The following MCTP1 variants were observed in gnomAD, a reference collection of about 807,000 sequenced individuals.
MCTP1 encodes the protein multiple C2 and transmembrane domain-containing protein 1.
A neutral mutation model predicts 120.6 loss-of-function variants in MCTP1; 69 were observed. The ratio of observed to expected loss-of-function variants is 0.57; its 90% CI spans 0.47 to 0.70. The LOEUF (loss-of-function observed/expected upper bound fraction) is 0.70. Among genes scored for constraint, MCTP1 ranks in the 30% least tolerant of loss-of-function variants. MCTP1 has a pLI of 0.00. For missense variants in MCTP1, 1,203 were observed against 1,248.8 expected, an observed-to-expected ratio of 0.96 and a Z score of 0.55; for synonymous variants, 529 against 493.1, an observed-to-expected ratio of 1.07 and a Z score of -0.96.
At chr5:94,790,993 CCAGGCGCGGTGCCTCGCG>C (rs1778771959) in intron 18 of MCTP1, among the ~76,000 whole-genome samples, 1 of 151,700 alleles carries the variant, frequency 6.6e-6, no homozygotes, top group Non-Finnish European at 1.5e-5. Flanking sequence ...TTCAAGCGGG[CCAGGCGCGGTGCCTCGCG>C]CCTGTAATCC....
At chr5:95,224,251 T>C (rs1042173740) in intron 1 of MCTP1, among the ~76,000 whole-genome samples, 1 of 152,212 alleles carries the variant, frequency 6.6e-6, no homozygotes, top group Admixed American at 6.5e-5. Flanking sequence ...AGCAGCTTCT[T>C]ATATACCCAC....
In MCTP1 at chr5:95,284,259, G is replaced by T; in HGVS notation, c.317C>A (p.Pro106His). Residue 106 changes from proline (P) to histidine (H), a missense_variant, in exon 1 of 23, where the codon CCC (proline) becomes CAC (histidine). Around this residue, in one of 2 missense-constraint regions of MCTP1, gnomAD observed 463 missense variants for 377.8 expected, o/e 1.23. Coordinates refer to ENST00000515393, the MANE Select transcript of MCTP1 (RefSeq NM_024717.7). The surrounding 1 kb of genome is among the most constrained non-coding windows in gnomAD (Gnocchi z 5.2). ...TCTGCCGGCGCCGCCGGGCTCCAGGGGCTCCGGCGACGAGCAGCACAGGTT... is the reference window on the plus strand; with the variant it reads ...TCTGCCGGCGCCGCCGGGCTCCAGGTGCTCCGGCGACGAGCAGCACAGGTT... The part of the protein sequence containing the change: ...QPNLCCSSPE[P>H]LEPGGAGRAE... 6.3e-7 allele frequency: 1 copy of T among 1,591,648 alleles called. No individual in the cohort carries two copies.
intron 1 of MCTP1, among the ~76,000 whole-genome samples, chr5:95,044,863 G>T (rs567375746): frequency 6.6e-6 from 1 of 152,152 alleles, no homozygotes; most frequent in South Asian, 2.1e-4. Context: ...AATCAGGGCA[G>T]CAGACTTCTA....
rs573008739 is a variant in MCTP1 at position 94,716,394 on chromosome 5, A to T, written c.2611-1508T>A. Among the ~76,000 whole-genome samples the T allele has an allele frequency of 2.3e-5, 3 of 131,584 alleles. No homozygotes were observed. The East Asian group carries it at 6.1e-4, about 27-fold the overall frequency. The allele number at this position is 131,584 out of a possible 152,430, so 86.3% of individuals were successfully genotyped here. A position where few individuals can be genotyped will look rare whatever the true frequency, so the allele number is the denominator to read the frequency against. Reference sequence around the variant, plus strand: ...CAATTTATCTTTCACACTCTCCAGTAAAAAAAAAAAAAAAGTTAGTTTCAC... The same window carrying T: ...CAATTTATCTTTCACACTCTCCAGTTAAAAAAAAAAAAAAGTTAGTTTCAC... On this transcript the variant is annotated intron_variant, in intron 19 of 22. Transcript: ENST00000515393.
chr5:94,848,467 A>G (rs1792971178), intron 17 of MCTP1, among the ~76,000 whole-genome samples: 1 of 151,976 alleles, frequency 6.6e-6, no homozygotes, highest in Admixed American at 6.6e-5. Context: ...CTGCAGCTTT[A>G]ATAACTACTG....
At chr5:94,964,813 T>C (rs971701057) in intron 2 of MCTP1, among the ~76,000 whole-genome samples, 7 of 152,208 alleles carry the variant, frequency 4.6e-5, no homozygotes, top group Non-Finnish European at 7.3e-5. Flanking sequence ...TGTCTTTTGA[T>C]TGGATAATTT....
chr5:95,200,241 A>C (rs879854665), intron 1 of MCTP1, among the ~76,000 whole-genome samples: 4 of 152,210 alleles, frequency 2.6e-5, no homozygotes, highest in Admixed American at 2.6e-4. Context: ...CTTGTGCACT[A>C]TTGGCAGGAA....
chr5:94,932,738 T>A (rs1815121564), intron 5 of MCTP1, among the ~76,000 whole-genome samples: 1 of 152,036 alleles, frequency 6.6e-6, no homozygotes, highest in African/African-American at 2.4e-5. Context: ...CCTTCCTGAT[T>A]AACCTCTTTC....
chr5:94,845,842 C>T (rs573028196), intron 17 of MCTP1, among the ~76,000 whole-genome samples: 20 of 152,260 alleles, frequency 1.3e-4, no homozygotes, highest in African/African-American at 4.8e-4. Flanking sequence ...GTGAGCACCA[C>T]ACCCAGCTGC....
In MCTP1 at chr5:95,281,546, A is replaced by T. The variant is rs186023175; in HGVS notation, c.720+2310T>A. On this transcript the variant is annotated intron_variant, in intron 1 of 22. Coordinates refer to ENST00000515393, the MANE Select transcript of MCTP1 (RefSeq NM_024717.7). The stretch of plus-strand genomic sequence containing the variant: ...GCAGACGCTAGGGACCAAAAATGGT[A>T]TCTCTTTCTGGGACTGTGTCTGGCA... Among the ~76,000 whole-genome samples, 226 of 152,334 alleles carry T rather than the reference A, an allele frequency of 1.5e-3. 2 individuals carry two copies. The highest frequency in any genetic ancestry group is 4.8e-3 in the African/African-American group (200 of 41,576).
In MCTP1 at chr5:95,133,696, C is replaced by T. The variant is rs185645047; in HGVS notation, c.721-116212G>A. ...AAATAAAACAATACACTGTAATAAA[C>T]ATTGTATGAATGTAGCCTCTCTTAA... On this transcript the variant is annotated intron_variant, in intron 1 of 22. Transcript: ENST00000515393. Among the ~76,000 whole-genome samples, 125 of 152,312 alleles carry T rather than the reference C, an allele frequency of 8.2e-4. 2 individuals carry two copies. Among genetic ancestry groups the T allele is most frequent in the African/African-American group, 2.9e-3 (122 of 41,560 alleles).
intron 2 of MCTP1, among the ~76,000 whole-genome samples, chr5:94,972,121 A>G (rs1827020828): frequency 6.6e-6 from 1 of 152,060 alleles, no homozygotes; most frequent in Non-Finnish European, 1.5e-5. Context: ...TCTCCATCAT[A>G]TACAAATCAG....
chr5:94,955,598 T>C (rs763975719), intron 2 of MCTP1, among the ~76,000 whole-genome samples: 29 of 152,134 alleles, frequency 1.9e-4, no homozygotes, highest in Non-Finnish European at 3.2e-4. Flanking sequence ...CGTCTGCCAT[T>C]ACTGAGGCTT....
chr5:95,209,912 C>T (rs1175635684), intron 1 of MCTP1, among the ~76,000 whole-genome samples: 2 of 152,112 alleles, frequency 1.3e-5, no homozygotes, highest in Non-Finnish European at 2.9e-5. Context: ...TTTATTTCTG[C>T]CTTCATTTCG....
intron 1 of MCTP1, among the ~76,000 whole-genome samples, chr5:95,133,191 A>G (rs1759178179): frequency 6.6e-6 from 1 of 152,258 alleles, no homozygotes; most frequent in Admixed American, 6.5e-5. Context: ...TTGTAAAACC[A>G]TACAGTAGCT....
intron 17 of MCTP1, among the ~76,000 whole-genome samples, chr5:94,864,262 G>A (rs2153260040): frequency 6.6e-6 from 1 of 151,940 alleles, no homozygotes; most frequent in South Asian, 2.1e-4. Context: ...ATTCAAACAT[G>A]CCGTTTTTGG....
intron 1 of MCTP1, among the ~76,000 whole-genome samples, chr5:95,231,606 C>T (rs1295806823): frequency 1.3e-5 from 2 of 152,138 alleles, no homozygotes; most frequent in Admixed American, 1.3e-4. Flanking sequence ...TGCTGAGTAG[C>T]TGTAGCAGAG....
intron 1 of MCTP1, among the ~76,000 whole-genome samples, chr5:95,132,127 A>C (rs1562168461): frequency 6.6e-6 from 1 of 152,182 alleles, no homozygotes. Flanking sequence ...GAAAGGATGA[A>C]GAGTTATGAC....
intron 12 of MCTP1, among the ~76,000 whole-genome samples, chr5:94,876,189 T>C (rs1798834049): frequency 6.6e-6 from 1 of 152,220 alleles, no homozygotes; most frequent in African/African-American, 2.4e-5. Context: ...ACCTAAATTT[T>C]ACAGCTTTGA....
Sources: gnomAD v4.1 joint callset for allele counts (sites outside exome capture counted in the v4.1 genomes callset) on GRCh38, gnomAD v4.1.1 for gene constraint, gnomAD v4.1.1 regional missense constraint, Gnocchi (gnomAD v3.1) non-coding constraint, MANE v1.5 for transcripts, NCBI Gene and HGNC (gene_info 2026-07-23, HGNC 2026-07-21) for gene names.